The following ATP8A2 variants were observed in gnomAD, a reference collection of about 807,000 sequenced individuals.
ATP8A2 encodes ATPase phospholipid transporting 8A2.
In ATP8A2, 100 loss-of-function variants were observed where a neutral mutation model predicts 165.6. The observed-to-expected ratio is 0.60, with a 90% CI of 0.51 to 0.71. ATP8A2 has a LOEUF of 0.71. Ranked by LOEUF, ATP8A2 falls within the 30% of genes least tolerant of loss-of-function variation. The probability of loss-of-function intolerance (pLI) is 0.00; values close to 1 mark genes in which losing one functional copy is unlikely to be tolerated. For missense variants in ATP8A2, 1,227 were observed against 1,479.5 expected (o/e 0.83, Z 2.80); for synonymous variants, 543 against 548.8 (o/e 0.99, Z 0.15).
chr13:25,469,074 T>C lies in ATP8A2; in HGVS notation c.174T>C (p.Ile58=), dbSNP rs2035760940. 6.2e-7 allele frequency: 1 copy of C among 1,613,884 alleles called. No individual in the cohort carries two copies. The highest frequency in any genetic ancestry group is 1.1e-5 in the South Asian group (1 of 91,084). Residue 58 remains isoleucine, a synonymous_variant, in exon 2 of 37, where the codon ATT becomes ATC. Transcript: ENST00000381655. ...GDQLEAPART[I]YLNQPHLNKF... ...AGCTGGAGGCACCCGCCCGCACCAT[T>C]TACCTCAACCAACCGCATCTCAACA...
chr13:25,662,095 G>C (rs934413098), intron 24 of ATP8A2, among the ~76,000 whole-genome samples: 2 of 152,144 alleles, frequency 1.3e-5, no homozygotes, highest in Non-Finnish European at 1.5e-5. Flanking sequence ...GTCTCTGCCT[G>C]GACCTTCCCA....
intron 33 of ATP8A2, among the ~76,000 whole-genome samples, chr13:25,887,422 T>A (rs951671346): frequency 2.0e-5 from 3 of 152,020 alleles, no homozygotes; most frequent in Admixed American, 6.5e-5. Context: ...CACTGAAACC[T>A]CTGCCTCCTG....
At chr13:25,843,915 GA>G (rs1463079128) in intron 30 of ATP8A2, among the ~76,000 whole-genome samples, 1 of 152,158 alleles carries the variant, frequency 6.6e-6, no homozygotes, top group Admixed American at 6.5e-5. Flanking sequence ...CGGAGGGGGG[GA>G]CTTTTTCTCA....
At chr13:25,988,091 G>GC (rs1256829314) in intron 35 of ATP8A2, among the ~76,000 whole-genome samples, 3 of 152,240 alleles carry the variant, frequency 2.0e-5, no homozygotes, top group Admixed American at 6.5e-5. Flanking sequence ...TGAAATTTTA[G>GC]CTCCAGCTAC....
At chr13:25,655,255 G>T (rs7998482) in intron 24 of ATP8A2, among the ~76,000 whole-genome samples, 1 of 152,204 alleles carries the variant, frequency 6.6e-6, no homozygotes, top group Non-Finnish European at 1.5e-5. Flanking sequence ...CGCCTCCTGG[G>T]TTCAAGCAAT....
At chr13:25,871,945 T>C (rs967622095) in intron 33 of ATP8A2, among the ~76,000 whole-genome samples, 3 of 152,200 alleles carry the variant, frequency 2.0e-5, no homozygotes, top group African/African-American at 7.2e-5. Flanking sequence ...TACTGTGCTC[T>C]GAAGACAAAC....
chr13:25,554,929 C>A, intron 12 of ATP8A2, 62 bp from the exon 13 acceptor site: 2 of 1,046,088 alleles, frequency 1.9e-6, no homozygotes, highest in Non-Finnish European at 2.9e-6. Flanking sequence ...CTGTGTTAAT[C>A]TGAATGAAGA....
chr13:25,850,614 G>T (rs1421732837), intron 30 of ATP8A2, among the ~76,000 whole-genome samples: 2 of 152,090 alleles, frequency 1.3e-5, no homozygotes, highest in Admixed American at 1.3e-4. Context: ...TTGGGGTTTT[G>T]TCCCCCTTTG....
At chr13:25,977,967 T>C (rs1956095628) in intron 35 of ATP8A2, among the ~76,000 whole-genome samples, 1 of 152,230 alleles carries the variant, frequency 6.6e-6, no homozygotes, top group South Asian at 2.1e-4. Context: ...ATTTCCTTTT[T>C]TGAATTATGA....
In ATP8A2 at chr13:25,577,262, G is replaced by T. The variant is rs2039645823; in HGVS notation, c.1782+124G>T. ...GTCCAGAGTTGAAAGACTGTTTCAG[G>T]TAGGCTGTGAAGTTGACTTAGTAGT... is the stretch of plus-strand genomic sequence containing the variant. On this transcript the variant is annotated intron_variant, in intron 20 of 36. Coordinates refer to ENST00000381655, the MANE Select transcript of ATP8A2 (RefSeq NM_016529.6). 4.6e-6 allele frequency: 4 copies of T among 867,036 alleles called. No homozygotes were observed. In the Admixed American group the frequency reaches 8.1e-5, roughly 18 times the overall value. 53.7% of individuals were successfully genotyped at this position (867,036 alleles called of 1,614,324 possible). A position where few individuals can be genotyped will look rare whatever the true frequency, so the allele number is the denominator to read the frequency against.
intron 27 of ATP8A2, among the ~76,000 whole-genome samples, chr13:25,794,329 A>G (rs746037327): frequency 4.6e-5 from 7 of 152,242 alleles, no homozygotes; most frequent in Non-Finnish European, 1.0e-4. Context: ...GTGGAATATT[A>G]CTTAGCAACA....
chr13:25,421,400 T>C (rs2138102386), intron 1 of ATP8A2, among the ~76,000 whole-genome samples: 1 of 152,272 alleles, frequency 6.6e-6, no homozygotes, highest in Non-Finnish European at 1.5e-5. Context: ...AGTGGCATGA[T>C]CATAGCTCAC....
chr13:25,837,654 G>C (rs1046534521), intron 29 of ATP8A2, among the ~76,000 whole-genome samples: 24 of 152,090 alleles, frequency 1.6e-4, no homozygotes, highest in African/African-American at 5.8e-4. Context: ...CCCTTGCGTG[G>C]TCCTGCAGCC....
intron 18 of ATP8A2, among the ~76,000 whole-genome samples, chr13:25,573,710 G>A (rs1225280738): frequency 6.6e-6 from 1 of 152,172 alleles, no homozygotes; most frequent in Non-Finnish European, 1.5e-5. Flanking sequence ...CTGGTGCTGG[G>A]TGGTGGTAGT....
chr13:25,453,878 G>C (rs2035293142), intron 1 of ATP8A2, among the ~76,000 whole-genome samples: 1 of 152,190 alleles, frequency 6.6e-6, no homozygotes, highest in South Asian at 2.1e-4. Flanking sequence ...TTTGGGTACA[G>C]ATCTGTGTTT....
intron 24 of ATP8A2, among the ~76,000 whole-genome samples, chr13:25,655,450 C>T (rs562406715): frequency 5.0e-4 from 76 of 152,356 alleles, no homozygotes; most frequent in Non-Finnish European, 8.2e-4. Context: ...TGAGCCACCA[C>T]ACCCAGCCAT....
intron 27 of ATP8A2, among the ~76,000 whole-genome samples, chr13:25,799,444 T>C (rs1212451984): frequency 6.6e-6 from 1 of 152,244 alleles, no homozygotes; most frequent in East Asian, 1.9e-4. Flanking sequence ...CATCATATTT[T>C]TAACTCCTTT....
intron 2 of ATP8A2, among the ~76,000 whole-genome samples, chr13:25,476,548 C>T (rs2036001610): frequency 6.6e-6 from 1 of 152,118 alleles, no homozygotes; most frequent in African/African-American, 2.4e-5. Flanking sequence ...CCCTGGCCTC[C>T]CAAAGTGCTG....
intron 27 of ATP8A2, among the ~76,000 whole-genome samples, chr13:25,799,048 T>C (rs1461625996): frequency 1.3e-5 from 2 of 151,790 alleles, no homozygotes; most frequent in African/African-American, 4.8e-5. Flanking sequence ...ATTTATTTAA[T>C]ATAAGTTTTA....
Sources: gnomAD v4.1 joint callset for allele counts (sites outside exome capture counted in the v4.1 genomes callset) on GRCh38, gnomAD v4.1.1 for gene constraint, MANE v1.5 for transcripts, NCBI Gene and HGNC (gene_info 2026-07-23, HGNC 2026-07-21) for gene names.